The following BTF3L4 variants were observed in gnomAD, a reference collection of about 807,000 sequenced individuals.
BTF3L4 encodes basic transcription factor 3 like 4, also known as transcription factor BTF3 homolog 4.
A neutral mutation model predicts 16.8 loss-of-function variants in BTF3L4; 6 were observed. The observed-to-expected ratio is 0.36, with a 90% CI of 0.20 to 0.71. The LOEUF is 0.71. Ranked by LOEUF, BTF3L4 falls within the 30% of genes least tolerant of loss-of-function variation. BTF3L4 has a pLI of 0.58. For missense variants in BTF3L4, 92 were observed against 186.9 expected, an observed-to-expected ratio of 0.49 and a Z score of 2.96; for synonymous variants, 39 against 59.8, an observed-to-expected ratio of 0.65 and a Z score of 1.60.
intron 3 of BTF3L4, among the ~76,000 whole-genome samples, chr1:52,072,956 G>T (rs1401804372): frequency 6.6e-6 from 1 of 152,234 alleles, no homozygotes; most frequent in Admixed American, 6.5e-5. Context: ...TACTCAGGAG[G>T]CTAAGGCAGA....
intron 2 of BTF3L4, 82 bp downstream of exon 2, chr1:52,059,983 AATCTAAAATC>A: frequency 7.5e-7 from 1 of 1,327,504 alleles, no homozygotes; most frequent in African/African-American, 1.5e-5. Context: ...GGTCATTGAA[AATCTAAAATC>A]TTTTCAATAA....
chr1:52,085,350 G>T (rs1267625316), intron 4 of BTF3L4, among the ~76,000 whole-genome samples: 13 of 147,066 alleles, frequency 8.8e-5, no homozygotes, highest in South Asian at 2.2e-4. Context: ...TTGTTGCTTG[G>T]TTTTTTTTGT....
intron 1 of BTF3L4, among the ~76,000 whole-genome samples, chr1:52,059,037 T>C (rs899724919): frequency 6.6e-6 from 1 of 152,226 alleles, no homozygotes; most frequent in Non-Finnish European, 1.5e-5. Flanking sequence ...AAAATCAAGA[T>C]TAACTTTAAA....
chr1:52,083,246 G>A lies in BTF3L4; in HGVS notation c.169-94G>A, dbSNP rs151133552. On this transcript the variant is annotated intron_variant, in intron 3 of 5. Transcript: ENST00000313334. Reference sequence around the variant, plus strand: ...TACCTTGGGATTACATAACTACCAAGTAAAGAACCATAATTGGCTGAATTG... The same window carrying A: ...TACCTTGGGATTACATAACTACCAAATAAAGAACCATAATTGGCTGAATTG... The A allele has an allele frequency of 2.4e-3, 2,553 of 1,047,714 alleles. 42 individuals carry two copies. The South Asian group carries it at 0.025, about 10-fold the overall frequency. The allele number at this position is 1,047,714 out of a possible 1,614,324, so 64.9% of individuals were successfully genotyped here.
chr1:52,066,464 A>G (rs1039670271), intron 3 of BTF3L4, among the ~76,000 whole-genome samples: 7 of 151,390 alleles, frequency 4.6e-5, no homozygotes, highest in Non-Finnish European at 8.9e-5. Context: ...GGCCTCCCAA[A>G]GTGCTGGGAT....
At chr1:52,071,141 A>T (rs1686776265) in intron 3 of BTF3L4, 1 of 152,184 alleles carries the variant, frequency 6.6e-6, no homozygotes, top group African/African-American at 2.4e-5. Flanking sequence ...GATCTGTTTT[A>T]TTTCTCAGAA....
chr1:52,081,616 CTG>C (rs1440447521), intron 3 of BTF3L4, among the ~76,000 whole-genome samples: 17 of 152,194 alleles, frequency 1.1e-4, no homozygotes, highest in African/African-American at 4.1e-4. Flanking sequence ...TTTAACAAAA[CTG>C]TAATTATCTT....
At chr1:52,075,403 C>G (rs1686905302) in intron 3 of BTF3L4, among the ~76,000 whole-genome samples, 1 of 150,768 alleles carries the variant, frequency 6.6e-6, no homozygotes, top group Non-Finnish European at 1.5e-5. Flanking sequence ...TCCTGTAGCC[C>G]CAGCTACTCT....
chr1:52,071,931 CTGTGTGTGTGTGTGTGTGTG>C (rs59491944), intron 3 of BTF3L4, among the ~76,000 whole-genome samples: 6 of 127,970 alleles, frequency 4.7e-5, no homozygotes, highest in South Asian at 2.7e-4. Flanking sequence ...GTTTTTTACT[CTGTGTGTGTGTGTGTGTGTG>C]TGTGTGTGTG....
chr1:52,060,312 T>C (rs1686477868), intron 2 of BTF3L4: 3 of 339,228 alleles, frequency 8.8e-6, no homozygotes, highest in Non-Finnish European at 1.7e-5. Flanking sequence ...ATGGTTAGAC[T>C]CACTTGCAGG....
At chr1:52,063,193 G>A (rs1402360273) in intron 2 of BTF3L4, among the ~76,000 whole-genome samples, 1 of 152,130 alleles carries the variant, frequency 6.6e-6, no homozygotes, top group East Asian at 1.9e-4. Context: ...AAGAATCTAG[G>A]ATAACCCTCA....
At chr1:52,083,587 A>C (rs771036630) in intron 4 of BTF3L4, 46 bp downstream of exon 4, 1 of 1,461,694 alleles carries the variant, frequency 6.8e-7, no homozygotes, top group Admixed American at 1.8e-5. Context: ...ACCTTACTTA[A>C]AGAACCTAAT....
chr1:52,073,881 C>G lies in BTF3L4; in HGVS notation c.168+8943C>G, dbSNP rs536489910. 1.6e-4 allele frequency among the ~76,000 whole-genome samples: 24 copies of G among 151,954 alleles called. No individual in the cohort carries two copies. In the South Asian group the frequency reaches 1.9e-3, roughly 12 times the overall value. On this transcript the variant is annotated intron_variant, in intron 3 of 5. Transcript: ENST00000313334. ...GGCGTGGTGGTGGGCGTCTGTAATC[C>G]CAGCTACTCAGGGGGCTGAGGCAGA...
At chr1:52,086,192 CTT>C in intron 5 of BTF3L4, 21 bp downstream of exon 5, 6 of 1,592,942 alleles carry the variant, frequency 3.8e-6, no homozygotes, top group Non-Finnish European at 5.1e-6. Context: ...TTTCCTTAGA[CTT>C]AAGATTTTAA....
intron 3 of BTF3L4, among the ~76,000 whole-genome samples, chr1:52,078,950 C>T (rs983525431): frequency 1.6e-4 from 25 of 152,096 alleles, no homozygotes; most frequent in African/African-American, 6.0e-4. Context: ...TTGGCTGCTC[C>T]TTGTTCTTAT....
intron 2 of BTF3L4, 84 bp downstream of exon 2, chr1:52,059,985 T>C: frequency 7.6e-7 from 1 of 1,315,312 alleles, no homozygotes; most frequent in African/African-American, 1.5e-5. Context: ...TCATTGAAAA[T>C]CTAAAATCTT....
chr1:52,058,852 G>A (rs944173747), intron 1 of BTF3L4, among the ~76,000 whole-genome samples: 5 of 152,082 alleles, frequency 3.3e-5, no homozygotes, highest in Admixed American at 2.6e-4. Context: ...CATCCGCCTC[G>A]GCCTCCCAAA....
chr1:52,062,345 G>T, intron 2 of BTF3L4, among the ~76,000 whole-genome samples: 1 of 151,696 alleles, frequency 6.6e-6, no homozygotes, highest in Non-Finnish European at 1.5e-5. Flanking sequence ...GGGATTACAG[G>T]CACGCGCCAC....
chr1:52,077,434 T>C (rs528979769), intron 3 of BTF3L4, among the ~76,000 whole-genome samples: 2 of 152,066 alleles, frequency 1.3e-5, no homozygotes, highest in South Asian at 4.2e-4. Context: ...CCCAGCTACT[T>C]GGGAGGATGA....
Sources: allele counts gnomAD v4.1 joint callset (sites outside exome capture counted in the v4.1 genomes callset), GRCh38; gene constraint gnomAD v4.1.1; transcripts MANE v1.5; gene names NCBI Gene and HGNC (gene_info 2026-07-23, HGNC 2026-07-21).